Variants in KLRG1 observed in about 807,000 individuals in gnomAD.
KLRG1 encodes killer cell lectin-like receptor subfamily G member 1.
Under a neutral mutation model 21.8 loss-of-function variants are expected in KLRG1, and 16 were observed. The observed-to-expected ratio is 0.73, with a 90% CI of 0.50 to 1.11. KLRG1 has a LOEUF of 1.11. KLRG1 is among the 50% of genes most tolerant of loss of function. The pLI is 0.00. For synonymous variants in KLRG1, 69 were observed against 75.9 expected, an observed-to-expected ratio of 0.91 and a Z score of 0.47; for missense variants, 173 against 218.3, an observed-to-expected ratio of 0.79 and a Z score of 1.31.
chr12:9,155,747 T>C, the KLRG1 span: 1 of 152,478 alleles, frequency 6.6e-6, no homozygotes, highest in Admixed American at 6.5e-5. Flanking sequence ...CTGCTCCAAA[T>C]AAATCATGGT....
At chr12:9,118,252 G>C in the KLRG1 span, among the ~76,000 whole-genome samples, 1 of 152,260 alleles carries the variant, frequency 6.6e-6, no homozygotes, top group Admixed American at 6.5e-5. Flanking sequence ...GGTGCAGACT[G>C]CCTAGTTGAC....
chr12:8,980,527 C>T (rs1040898399), intron 1 of KLRG1, among the ~76,000 whole-genome samples: 1 of 152,164 alleles, frequency 6.6e-6, no homozygotes. Flanking sequence ...TTACTGCCTG[C>T]AAGGGTAGTG....
At chr12:9,016,378 C>A in the KLRG1 span, among the ~76,000 whole-genome samples, 1 of 152,048 alleles carries the variant, frequency 6.6e-6, no homozygotes, top group Non-Finnish European at 1.5e-5. Flanking sequence ...CTGCAAGCAA[C>A]TATATGCCAA....
the KLRG1 span, among the ~76,000 whole-genome samples, chr12:9,059,251 C>T: frequency 5.9e-5 from 9 of 152,176 alleles, no homozygotes; most frequent in Non-Finnish European, 1.2e-4. Flanking sequence ...AAAGACTATG[C>T]CAATGATTTT....
At chr12:9,056,369 T>TG in the KLRG1 span, among the ~76,000 whole-genome samples, 1 of 152,168 alleles carries the variant, frequency 6.6e-6, no homozygotes, top group Non-Finnish European at 1.5e-5. Context: ...AGCCTGCTCA[T>TG]GCTACAGTGT....
intron 1 of KLRG1, among the ~76,000 whole-genome samples, chr12:8,971,567 C>G (rs987827548): frequency 2.7e-5 from 4 of 150,078 alleles, no homozygotes; most frequent in African/African-American, 9.8e-5. Flanking sequence ...CCCCCCACCA[C>G]CCCGCCCACA....
chr12:9,153,226 C>G, the KLRG1 span: 1 of 1,614,186 alleles, frequency 6.2e-7, no homozygotes, highest in Non-Finnish European at 8.5e-7. Context: ...TTGTTGTCTA[C>G]TTGGAAATTT....
chr12:9,182,240 T>C, the KLRG1 span: 2 of 894,344 alleles, frequency 2.2e-6, no homozygotes, highest in Non-Finnish European at 1.6e-6. Context: ...TTCATTCTAA[T>C]GGCTTAGTCT....
chr12:8,969,215 A>C (rs1946528313), intron 1 of KLRG1, among the ~76,000 whole-genome samples: 1 of 152,202 alleles, frequency 6.6e-6, no homozygotes, highest in Non-Finnish European at 1.5e-5. Flanking sequence ...CTCCCTGCCC[A>C]GGCCTTGGGA....
chr12:9,138,363 G>C, the KLRG1 span, among the ~76,000 whole-genome samples: 1 of 151,760 alleles, frequency 6.6e-6, no homozygotes, highest in Non-Finnish European at 1.5e-5. Flanking sequence ...ATACTACTTG[G>C]TCATGATGTA....
intron 2 of KLRG1, among the ~76,000 whole-genome samples, chr12:8,993,205 G>C (rs1651591836): frequency 6.6e-6 from 1 of 151,370 alleles, no homozygotes; most frequent in South Asian, 2.1e-4. Context: ...TTGTTTTACA[G>C]TCTAGAGTCC....
chr12:9,078,356 C>T, the KLRG1 span, among the ~76,000 whole-genome samples: 1 of 152,160 alleles, frequency 6.6e-6, no homozygotes, highest in African/African-American at 2.4e-5. Flanking sequence ...CATGTCCCTG[C>T]AAAGGACATG....
chr12:9,208,391 G>A, the KLRG1 span: 39 of 1,479,240 alleles, frequency 2.6e-5, no homozygotes, highest in Non-Finnish European at 2.6e-5. Flanking sequence ...CCTCAGCCTC[G>A]CCCTGGAGAC....
the KLRG1 span, chr12:9,151,524 G>A: frequency 5.0e-5 from 59 of 1,186,478 alleles, no homozygotes; most frequent in African/African-American, 7.9e-4. Flanking sequence ...TTTTCCTCAT[G>A]TTACCGACTA....
At chr12:9,079,243 C>G in the KLRG1 span, 1 of 1,612,846 alleles carries the variant, frequency 6.2e-7, no homozygotes, top group Non-Finnish European at 8.5e-7. Flanking sequence ...TCTTTCCTTA[C>G]CAGGTGTTGC....
chr12:8,986,853 C>A (rs929313460), upstream of KLRG1, among the ~76,000 whole-genome samples: 17 of 152,104 alleles, frequency 1.1e-4, no homozygotes, highest in African/African-American at 4.1e-4. Flanking sequence ...TAGAGCTGTT[C>A]TCCTGATAGA....
the KLRG1 span, chr12:9,194,347 A>C: frequency 1.0e-6 from 1 of 972,082 alleles, no homozygotes; most frequent in Non-Finnish European, 1.5e-6. Flanking sequence ...CCTCCCCCTC[A>C]AAAAAACCCC....
the KLRG1 span, among the ~76,000 whole-genome samples, chr12:9,174,011 A>G: frequency 6.6e-6 from 1 of 152,226 alleles, no homozygotes; most frequent in South Asian, 2.1e-4. Context: ...AAAACCTGGC[A>G]GAGTCACAAC....
chr12:9,149,868 G>C, the KLRG1 span, among the ~76,000 whole-genome samples: 1 of 152,144 alleles, frequency 6.6e-6, no homozygotes, highest in Admixed American at 6.5e-5. Context: ...GCACTAACCT[G>C]TAGTTCTCTC....
Sources: allele counts gnomAD v4.1 joint callset (sites outside exome capture counted in the v4.1 genomes callset), GRCh38; gene constraint gnomAD v4.1.1; transcripts MANE v1.5; gene names NCBI Gene and HGNC (gene_info 2026-07-23, HGNC 2026-07-21).